The following MYO9A variants were observed in gnomAD, a reference collection of about 807,000 sequenced individuals.
MYO9A encodes the protein myosin IXA, also known as unconventional myosin-IXa.
MYO9A carries 103 observed loss-of-function variants against 293.3 expected under a neutral mutation model. The ratio of observed to expected loss-of-function variants is 0.35; its 90% CI spans 0.30 to 0.41. The LOEUF (loss-of-function observed/expected upper bound fraction) is 0.41, where lower values mean the gene tolerates loss of function less well. Among genes scored for constraint, MYO9A ranks in the 10% least tolerant of loss-of-function variants. The pLI, the probability that MYO9A is intolerant of heterozygous loss-of-function variation, is 1.00. For synonymous variants in MYO9A, 1,001 were observed against 1,035.7 expected, an observed-to-expected ratio of 0.97 and a Z score of 0.64; for missense variants, 2,685 against 3,033.0, an observed-to-expected ratio of 0.89 and a Z score of 2.69.
intron 32 of MYO9A, among the ~76,000 whole-genome samples, chr15:71,866,311 G>C (rs892558913): frequency 6.6e-6 from 1 of 152,102 alleles, no homozygotes; most frequent in Non-Finnish European, 1.5e-5. Flanking sequence ...TAGTACAAAA[G>C]GATATATGTT....
chr15:71,928,518 A>G (rs1031719678), intron 18 of MYO9A, among the ~76,000 whole-genome samples: 2 of 152,038 alleles, frequency 1.3e-5, no homozygotes, highest in African/African-American at 4.8e-5. Context: ...TGAATCAGTG[A>G]ATCACTCTGG....
intron 1 of MYO9A, among the ~76,000 whole-genome samples, chr15:72,067,313 C>T (rs2079051067): frequency 2.0e-5 from 3 of 151,678 alleles, no homozygotes; most frequent in African/African-American, 7.3e-5. Flanking sequence ...TAATTTATTT[C>T]ATTTTATTTT....
intron 11 of MYO9A, 26 bp downstream of exon 11, chr15:71,991,076 CA>C: frequency 6.6e-7 from 1 of 1,509,560 alleles, no homozygotes; most frequent in South Asian, 1.4e-5. Flanking sequence ...GATGGGGGGA[CA>C]AGTGTATACA....
intron 1 of MYO9A, 139 bp from the exon 2 acceptor site, chr15:72,046,773 T>C (rs1052670769): frequency 1.1e-5 from 5 of 454,564 alleles, no homozygotes; most frequent in African/African-American, 9.9e-5. Context: ...ACAGCAACAG[T>C]TTCATTGAGA....
chr15:71,852,868 C>T (rs1255641887), intron 35 of MYO9A, among the ~76,000 whole-genome samples: 1 of 152,144 alleles, frequency 6.6e-6, no homozygotes, highest in Non-Finnish European at 1.5e-5. Context: ...GAGACTGAGA[C>T]AGGCCGATTA....
chr15:71,826,393 T>A lies in MYO9A; in HGVS notation c.*187A>T, dbSNP rs2054502204. On this transcript the variant is annotated 3_prime_UTR_variant, in exon 42 of 42. Transcript: ENST00000356056. ...AACAGCCAAGGCACAGCTGGCACCA[T>A]CCCCAGCAGGCTTTCTGCTTCTGCA... is the stretch of plus-strand genomic sequence containing the variant. 3.4e-6 allele frequency: 2 copies of A among 584,692 alleles called. No individual in the cohort carries two copies. The highest frequency in any genetic ancestry group is 5.9e-5 in the East Asian group (2 of 33,708). The allele number at this position is 584,692 out of a possible 1,614,324, so 36.2% of individuals were successfully genotyped here.
At chr15:72,098,031 T>C (rs1051479545) in intron 1 of MYO9A, among the ~76,000 whole-genome samples, 32 of 152,272 alleles carry the variant, frequency 2.1e-4, no homozygotes, top group Admixed American at 1.6e-3. Context: ...ATAAAAAAGA[T>C]GAGTGGGCAT....
intron 12 of MYO9A, among the ~76,000 whole-genome samples, chr15:71,970,757 T>C (rs2147381608): frequency 6.6e-6 from 1 of 152,330 alleles, no homozygotes; most frequent in Non-Finnish European, 1.5e-5. Context: ...CAGCTGCCAA[T>C]CAGCTCTAAT....
chr15:71,888,191 C>A, intron 26 of MYO9A, 75 bp from the exon 27 acceptor site: 1 of 781,138 alleles, frequency 1.3e-6, no homozygotes, highest in South Asian at 1.8e-5. Flanking sequence ...ATTCAGGTTA[C>A]AGAATTACTT....
chr15:71,851,872 CAGTCTTTCCATTTCTTTGT>C (rs1347316929), intron 36 of MYO9A, among the ~76,000 whole-genome samples: 7 of 152,118 alleles, frequency 4.6e-5, no homozygotes, highest in Admixed American at 2.0e-4. Context: ...TTTATAACCC[CAGTCTTTCCATTTCTTTGT>C]AAGAAGCAAC....
At chr15:72,017,670 T>C (rs1161627696) in intron 6 of MYO9A, among the ~76,000 whole-genome samples, 3 of 152,230 alleles carry the variant, frequency 2.0e-5, no homozygotes, top group African/African-American at 7.2e-5. Context: ...TCATGTATAC[T>C]GATCATTCTC....
At chr15:71,876,468 C>T (rs1328987935) in intron 31 of MYO9A, among the ~76,000 whole-genome samples, 7 of 100,450 alleles carry the variant, frequency 7.0e-5, no homozygotes, top group African/African-American at 2.1e-4. Context: ...CGGAGTTTTG[C>T]TCTGTTGCCC....
At chr15:71,907,925 T>C in intron 19 of MYO9A, among the ~76,000 whole-genome samples, 1 of 152,200 alleles carries the variant, frequency 6.6e-6, no homozygotes. Flanking sequence ...GTTTCTTCTG[T>C]TGTGCAGAAG....
At chr15:71,920,059 C>T (rs144848163) in intron 18 of MYO9A, among the ~76,000 whole-genome samples, 58 of 152,066 alleles carry the variant, frequency 3.8e-4, no homozygotes, top group Non-Finnish European at 6.8e-4. Flanking sequence ...TTCAATCATG[C>T]ATAAGGTTTA....
At chr15:71,854,152 A>C (rs1051315871) in intron 35 of MYO9A, among the ~76,000 whole-genome samples, 5 of 152,224 alleles carry the variant, frequency 3.3e-5, no homozygotes, top group Non-Finnish European at 7.3e-5. Context: ...ATTAAATGAG[A>C]TCTGTCCCAA....
intron 14 of MYO9A, among the ~76,000 whole-genome samples, chr15:71,956,330 A>AATATATATATATATATAT (rs1555490832): frequency 2.0e-4 from 15 of 75,538 alleles, no homozygotes; most frequent in Middle Eastern, 9.3e-3. Flanking sequence ...AAAAAAAAAA[A>AATATATATATATATATAT]ATATATATAT....
At chr15:71,952,737 G>C (rs900276754) in intron 14 of MYO9A, among the ~76,000 whole-genome samples, 2 of 152,062 alleles carry the variant, frequency 1.3e-5, no homozygotes, top group East Asian at 3.8e-4. Flanking sequence ...AAAAAACAAA[G>C]TACATAATAA....
At chr15:71,901,087 G>A in intron 23 of MYO9A, 104 bp downstream of exon 23, 1 of 1,261,268 alleles carries the variant, frequency 7.9e-7, no homozygotes. Flanking sequence ...CATTTCTGAA[G>A]TTCACATTAT....
intron 11 of MYO9A, among the ~76,000 whole-genome samples, chr15:71,983,648 A>C (rs954645120): frequency 6.7e-6 from 1 of 150,056 alleles, no homozygotes; most frequent in Admixed American, 6.6e-5. Context: ...ACGCCCTGCT[A>C]ATTTTTGTAG....
Sources: allele counts gnomAD v4.1 joint callset (sites outside exome capture counted in the v4.1 genomes callset), GRCh38; gene constraint gnomAD v4.1.1; transcripts MANE v1.5; gene names NCBI Gene and HGNC (gene_info 2026-07-23, HGNC 2026-07-21).